GLIS3: variants seen among roughly 807,000 people sequenced by gnomAD.
GLIS3 encodes the protein zinc finger protein GLIS3.
GLIS3 carries 53 observed loss-of-function variants against 78.6 expected under a neutral mutation model. The observed-to-expected ratio is 0.67, with a 90% CI of 0.54 to 0.85. The LOEUF (loss-of-function observed/expected upper bound fraction) is 0.85. GLIS3 is among the 40% of genes least tolerant of loss of function. GLIS3 has a pLI of 0.00. For missense variants in GLIS3, 1,703 were observed against 1,231.1 expected, an observed-to-expected ratio of 1.38 and a Z score of -5.74; for synonymous variants, 684 against 509.9, an observed-to-expected ratio of 1.34 and a Z score of -4.60.
At chr9:4,000,205 T>C (rs1338885297) in intron 4 of GLIS3, among the ~76,000 whole-genome samples, 1 of 152,178 alleles carries the variant, frequency 6.6e-6, no homozygotes, top group Non-Finnish European at 1.5e-5. Context: ...TTGAAAACAA[T>C]GCTGAGTGAT....
At chr9:4,132,139 T>G (rs1833026501) in intron 2 of GLIS3, among the ~76,000 whole-genome samples, 1 of 152,058 alleles carries the variant, frequency 6.6e-6, no homozygotes, top group Non-Finnish European at 1.5e-5. Flanking sequence ...CTACCAGATG[T>G]GCCAATGACT....
intron 4 of GLIS3, among the ~76,000 whole-genome samples, chr9:4,094,135 C>T (rs1345245511): frequency 6.6e-6 from 1 of 152,024 alleles, no homozygotes; most frequent in African/African-American, 2.4e-5. Flanking sequence ...TGATGATAGA[C>T]AGAAAGAGAT....
At chr9:4,012,882 C>T (rs1407385939) in intron 4 of GLIS3, among the ~76,000 whole-genome samples, 1 of 146,390 alleles carries the variant, frequency 6.8e-6, no homozygotes, top group Non-Finnish European at 1.5e-5. Context: ...AAGTAATTCT[C>T]CTGCCTCGGT....
At chr9:4,386,847 C>A in the GLIS3 span, among the ~76,000 whole-genome samples, 2 of 152,220 alleles carry the variant, frequency 1.3e-5, no homozygotes, top group Non-Finnish European at 1.5e-5. Context: ...CATCTCCCCA[C>A]TGAGAGATGT....
At chr9:3,927,609 A>G (rs1825341342) in intron 6 of GLIS3, among the ~76,000 whole-genome samples, 1 of 152,206 alleles carries the variant, frequency 6.6e-6, no homozygotes, top group African/African-American at 2.4e-5. Context: ...ATTTTTCTGT[A>G]TTTACGGAAA....
In GLIS3 at chr9:4,185,844, A is replaced by G. The variant is rs373512144; in HGVS notation, c.389-59903T>C. ...AAGAGTTCCCCATTGGCCAGACCCA[A>G]CTGGAAGCTGGAGGGCAAGGCAGCC... is the stretch of plus-strand genomic sequence containing the variant. On this transcript the variant is annotated intron_variant, in intron 2 of 10. Coordinates refer to ENST00000381971, the MANE Select transcript of GLIS3 (RefSeq NM_001042413.2). Among the ~76,000 whole-genome samples, 94 of 152,258 alleles carry G rather than the reference A, an allele frequency of 6.2e-4. No individual in the cohort carries two copies. The East Asian group carries it at 0.013, about 22-fold the overall frequency.
the GLIS3 span, among the ~76,000 whole-genome samples, chr9:4,464,135 T>C: frequency 2.0e-5 from 3 of 151,850 alleles, no homozygotes; most frequent in Admixed American, 2.0e-4. Context: ...CTGTGTCAGG[T>C]TTTTTTTATT....
At chr9:4,106,010 A>T (rs1446706664) in intron 4 of GLIS3, among the ~76,000 whole-genome samples, 2 of 152,178 alleles carry the variant, frequency 1.3e-5, no homozygotes, top group Non-Finnish European at 2.9e-5. Context: ...GAACCTGAAT[A>T]CTTCCCACCT....
chr9:4,411,645 T>G, the GLIS3 span, among the ~76,000 whole-genome samples: 16 of 152,294 alleles, frequency 1.1e-4, no homozygotes, highest in Middle Eastern at 3.4e-3. Flanking sequence ...TATTTTTGAT[T>G]TATGGTGCTG....
At chr9:4,243,920 G>C (rs1823561534) in intron 2 of GLIS3, among the ~76,000 whole-genome samples, 1 of 152,184 alleles carries the variant, frequency 6.6e-6, no homozygotes, top group Admixed American at 6.5e-5. Context: ...ATAGAGCAGG[G>C]TCTACATGAC....
chr9:3,943,249 G>C (rs1166392456), intron 4 of GLIS3, among the ~76,000 whole-genome samples: 1 of 152,172 alleles, frequency 6.6e-6, no homozygotes, highest in African/African-American at 2.4e-5. Flanking sequence ...GGGAGAAAAA[G>C]AAAATCATTC....
intron 4 of GLIS3, among the ~76,000 whole-genome samples, chr9:3,957,077 A>G (rs1268746647): frequency 2.0e-5 from 3 of 152,202 alleles, no homozygotes; most frequent in Non-Finnish European, 4.4e-5. Context: ...CCTGCCTCCC[A>G]CAGTGCAGCG....
intron 4 of GLIS3, among the ~76,000 whole-genome samples, chr9:4,075,609 G>C (rs917252320): frequency 6.6e-6 from 1 of 151,952 alleles, no homozygotes; most frequent in Non-Finnish European, 1.5e-5. Flanking sequence ...AAAGATATTC[G>C]ATAGGGATCA....
chr9:4,264,089 G>A (rs868150026), intron 2 of GLIS3, among the ~76,000 whole-genome samples: 1 of 152,068 alleles, frequency 6.6e-6, no homozygotes, highest in Non-Finnish European at 1.5e-5. Context: ...GAACTAATAG[G>A]TATCTCAAAT....
the GLIS3 span, among the ~76,000 whole-genome samples, chr9:4,360,400 C>A: frequency 6.6e-6 from 1 of 152,122 alleles, no homozygotes; most frequent in Non-Finnish European, 1.5e-5. Context: ...GAAAATCATC[C>A]CCACCAGCTC....
intron 2 of GLIS3, among the ~76,000 whole-genome samples, chr9:4,227,133 C>G (rs1370265765): frequency 2.0e-5 from 3 of 152,108 alleles, no homozygotes. Flanking sequence ...GAAGGAGGCA[C>G]TGGAGCCTCA....
Position 4,286,475 on chromosome 9 carries a change from C to G in GLIS3, c.-50G>C. 2 of 1,607,072 alleles carry G rather than the reference C, an allele frequency of 1.2e-6. No homozygotes were observed. The highest frequency in any genetic ancestry group is 1.7e-6 in the Non-Finnish European group (2 of 1,177,514). The stretch of plus-strand genomic sequence containing the variant: ...GTCAAATATCCAATGTCACTAATGA[C>G]TCCTTTCAGGCAAAGTCCAATAAGT... On this transcript the variant is annotated 5_prime_UTR_variant, in exon 2 of 11. Coordinates refer to ENST00000381971, the MANE Select transcript of GLIS3 (RefSeq NM_001042413.2).
At chr9:4,033,997 G>C (rs761027965) in intron 4 of GLIS3, among the ~76,000 whole-genome samples, 1 of 151,960 alleles carries the variant, frequency 6.6e-6, no homozygotes, top group South Asian at 2.1e-4. Flanking sequence ...TGAGGCAGGA[G>C]GATTCCTTGA....
At chr9:4,410,697 G>C in the GLIS3 span, among the ~76,000 whole-genome samples, 1 of 152,290 alleles carries the variant, frequency 6.6e-6, no homozygotes, top group South Asian at 2.1e-4. Context: ...ATCAGGGGAC[G>C]TTGTCAAGGA....
Sources: gnomAD v4.1 joint callset for allele counts (sites outside exome capture counted in the v4.1 genomes callset) on GRCh38, gnomAD v4.1.1 for gene constraint, MANE v1.5 for transcripts, NCBI Gene and HGNC (gene_info 2026-07-23, HGNC 2026-07-21) for gene names.